GPD2: variants seen among roughly 807,000 people sequenced by gnomAD.
The protein encoded by GPD2 is glycerol-3-phosphate dehydrogenase 2, also known as glycerol-3-phosphate dehydrogenase, mitochondrial.
Under a neutral mutation model 82.4 loss-of-function variants are expected in GPD2, and 54 were observed. That is an observed-to-expected ratio of 0.66 (90% CI 0.53 to 0.82). The LOEUF (loss-of-function observed/expected upper bound fraction) is 0.82. Among genes scored for constraint, GPD2 ranks in the 40% least tolerant of loss-of-function variants. GPD2 has a pLI of 0.00. For missense variants in GPD2, 748 were observed against 896.2 expected (o/e 0.83, Z 2.11); for synonymous variants, 288 against 306.1 (o/e 0.94, Z 0.62).
chr2:156,581,142 A>T lies in GPD2; in HGVS notation c.2058+1354A>T, dbSNP rs183111459. On this transcript the variant is annotated intron_variant, in intron 16 of 16. Transcript: ENST00000438166. The stretch of plus-strand genomic sequence containing the variant: ...TTAAAAGCAGGAGATAATTGAAACT[A>T]TCTGCAGGTTTTCTTGTAGAGTTTT... Among the ~76,000 whole-genome samples the T allele has an allele frequency of 2.2e-3, 331 of 152,208 alleles. 6 individuals are homozygous for T. Among genetic ancestry groups the T allele is most frequent in the Admixed American group, 0.018 (268 of 15,290 alleles).
Position 156,549,712 on chromosome 2 carries a change from A to C in GPD2, c.766A>C (p.Thr256Pro). 2 of 1,614,070 alleles carry C rather than the reference A, an allele frequency of 1.2e-6. No individual in the cohort carries two copies. The highest frequency in any genetic ancestry group is 2.2e-5 in the South Asian group (2 of 91,082). ...YMEVVSLLKK[T>P]DPQTGKVRVS... is the part of the protein sequence containing the mutation. ...GGAGGTAGTGAGCTTGCTCAAGAAGACAGACCCCCAGACAGGGAAAGTGCG... is the reference window on the plus strand; with the variant it reads ...GGAGGTAGTGAGCTTGCTCAAGAAGCCAGACCCCCAGACAGGGAAAGTGCG... The change falls in exon 7 of 17, where the codon ACA (threonine) becomes CCA (proline). Residue 256 changes from threonine (T) to proline (P), a missense_variant. By Grantham distance (38) the Thr-to-Pro change is conservative (BLOSUM62 -1). Coordinates refer to ENST00000438166, the MANE Select transcript of GPD2 (RefSeq NM_000408.5).
At chr2:156,534,991 A>T (rs1686008100) in intron 6 of GPD2, among the ~76,000 whole-genome samples, 1 of 152,106 alleles carries the variant, frequency 6.6e-6, no homozygotes, top group African/African-American at 2.4e-5. Context: ...TGGCCAGGTA[A>T]AGTCAGTGGG....
At chr2:156,422,444 A>C in the GPD2 span, among the ~76,000 whole-genome samples, 1 of 152,168 alleles carries the variant, frequency 6.6e-6, no homozygotes, top group Admixed American at 6.5e-5. Flanking sequence ...AATACTATGC[A>C]GGCAGGCTGG....
the GPD2 span, among the ~76,000 whole-genome samples, chr2:156,406,073 C>T: frequency 2.7e-5 from 4 of 148,194 alleles, no homozygotes; most frequent in East Asian, 2.0e-4. Context: ...TGTGAGTGAT[C>T]GTATTGATTT....
rs543096251 is a variant in GPD2 at position 156,462,706 on chromosome 2, A to G, written c.-8-13392A>G. On this transcript the variant is annotated intron_variant, in intron 1 of 16. Transcript: ENST00000438166. Reference sequence around the variant, plus strand: ...AGTAAGCTCCACTAACCTGAAACACATAAAAGAAGGGGGTAAAAAGATCCC... The same window carrying G: ...AGTAAGCTCCACTAACCTGAAACACGTAAAAGAAGGGGGTAAAAAGATCCC... Among the ~76,000 whole-genome samples the G allele has an allele frequency of 2.6e-5, 4 of 152,272 alleles. No individual in the cohort carries two copies. In the East Asian group the frequency reaches 5.8e-4, roughly 22 times the overall value.
chr2:156,458,676 A>G (rs1682870040), intron 1 of GPD2, among the ~76,000 whole-genome samples: 1 of 152,230 alleles, frequency 6.6e-6, no homozygotes, highest in Admixed American at 6.5e-5. Context: ...AAAAAGTTGT[A>G]TAACAGGAAA....
rs927047899 is a variant in GPD2 at position 156,584,339 on chromosome 2, G to A, written c.*1421G>A. ...AGGAGATGTAACACTTTATTTCATGGCAGGTTTTTATTGCAGAGACTTGAA... is the reference window on the plus strand; with the variant it reads ...AGGAGATGTAACACTTTATTTCATGACAGGTTTTTATTGCAGAGACTTGAA... On this transcript the variant is annotated 3_prime_UTR_variant, in exon 17 of 17. Transcript: ENST00000438166. 1 of 151,902 alleles carries A rather than the reference G, an allele frequency of 6.6e-6. No homozygotes were observed. The highest frequency in any genetic ancestry group is 2.4e-5 in the African/African-American group (1 of 41,374). The allele number at this position is 151,902 out of a possible 1,614,324, so 9.4% of individuals were successfully genotyped here.
chr2:156,576,715 G>GA (rs1010697572), intron 13 of GPD2, among the ~76,000 whole-genome samples: 2 of 152,176 alleles, frequency 1.3e-5, no homozygotes, highest in African/African-American at 4.8e-5. Flanking sequence ...TACCGTTTAT[G>GA]AAAAAATATC....
chr2:156,576,991 A>G (rs1257857004), intron 13 of GPD2, among the ~76,000 whole-genome samples: 2 of 152,230 alleles, frequency 1.3e-5, no homozygotes, highest in African/African-American at 4.8e-5. Flanking sequence ...TGGAGACTTC[A>G]CAGACAAGTT....
At chr2:156,550,526 GA>G in intron 7 of GPD2, 75 bp from the exon 8 acceptor site, 3 of 1,422,638 alleles carry the variant, frequency 2.1e-6, no homozygotes, top group Non-Finnish European at 9.9e-7. Flanking sequence ...TAAGTTAATA[GA>G]TGAATTAGTA....
At chr2:156,503,320 T>C (rs1212727241) in intron 3 of GPD2, among the ~76,000 whole-genome samples, 1 of 152,228 alleles carries the variant, frequency 6.6e-6, no homozygotes, top group East Asian at 1.9e-4. Flanking sequence ...TGCCCATTTT[T>C]AGACCTTGAA....
intron 3 of GPD2, among the ~76,000 whole-genome samples, chr2:156,503,977 A>G (rs563663568): frequency 9.2e-5 from 14 of 152,272 alleles, no homozygotes; most frequent in African/African-American, 1.4e-4. Flanking sequence ...TGTTATTGCA[A>G]TTGTTACAGC....
chr2:156,480,971 G>A (rs1260628474), intron 2 of GPD2, among the ~76,000 whole-genome samples: 2 of 151,422 alleles, frequency 1.3e-5, no homozygotes, highest in Admixed American at 1.3e-4. Flanking sequence ...TTTTTAATGG[G>A]AGGAATTATC....
At chr2:156,490,686 G>C (rs946541481) in intron 2 of GPD2, among the ~76,000 whole-genome samples, 2 of 152,104 alleles carry the variant, frequency 1.3e-5, no homozygotes, top group Non-Finnish European at 2.9e-5. Flanking sequence ...TCAGTTTTCA[G>C]CTCTACCATG....
At chr2:156,539,389 A>G (rs1686216391) in intron 6 of GPD2, among the ~76,000 whole-genome samples, 1 of 152,166 alleles carries the variant, frequency 6.6e-6, no homozygotes, top group Non-Finnish European at 1.5e-5. Context: ...CTCCAGCATC[A>G]GTGCTCTCTG....
rs1686061272 is a variant in GPD2, at chr2:156,535,948, G to C, written c.662-13660G>C. On this transcript the variant is annotated intron_variant, in intron 6 of 16. Transcript: ENST00000438166. ...AACAAAGGCATGTCAATTGCAACCT[G>C]GTCTCAGTTTAGGCTTAGCTCTCCT... is the stretch of plus-strand genomic sequence containing the variant. Among the ~76,000 whole-genome samples, 3 of 152,262 alleles carry C rather than the reference G, an allele frequency of 2.0e-5. No individual in the cohort carries two copies. The South Asian group carries it at 6.2e-4, about 32-fold the overall frequency.
chr2:156,537,235 C>T (rs1375378235), intron 6 of GPD2, among the ~76,000 whole-genome samples: 1 of 152,126 alleles, frequency 6.6e-6, no homozygotes, highest in Non-Finnish European at 1.5e-5. Context: ...CCAGGATTGA[C>T]TTAGGATTGA....
chr2:156,501,271 T>C (rs996288629), intron 3 of GPD2, among the ~76,000 whole-genome samples: 4 of 152,218 alleles, frequency 2.6e-5, no homozygotes, highest in Admixed American at 2.0e-4. Context: ...TGTAGTTCTC[T>C]TGTTTACAAA....
At chr2:156,453,491 A>G (rs1470137781) in intron 1 of GPD2, among the ~76,000 whole-genome samples, 1 of 152,184 alleles carries the variant, frequency 6.6e-6, no homozygotes, top group Non-Finnish European at 1.5e-5. Flanking sequence ...GTTGATATAA[A>G]TAGTGGGGAT....
Sources: allele counts gnomAD v4.1 joint callset (sites outside exome capture counted in the v4.1 genomes callset), GRCh38; gene constraint gnomAD v4.1.1; transcripts MANE v1.5; gene names NCBI Gene and HGNC (gene_info 2026-07-23, HGNC 2026-07-21).